The following EMILIN1 variants were observed in gnomAD, a reference collection of about 807,000 sequenced individuals.
The protein encoded by EMILIN1 is elastin microfibril interfacer 1, also known as EMILIN-1.
A neutral mutation model predicts 82.4 loss-of-function variants in EMILIN1; 49 were observed. The ratio of observed to expected loss-of-function variants is 0.59; its 90% CI spans 0.47 to 0.75. EMILIN1 has a LOEUF of 0.75. EMILIN1 is among the 30% of genes least tolerant of loss of function. The probability of loss-of-function intolerance (pLI) is 0.00; values close to 1 mark genes in which losing one functional copy is unlikely to be tolerated. For synonymous variants in EMILIN1, 604 were observed against 602.2 expected, an observed-to-expected ratio of 1.00 and a Z score of -0.04; for missense variants, 1,313 against 1,366.4, an observed-to-expected ratio of 0.96 and a Z score of 0.62.
intron 2 of EMILIN1, 31 bp from the exon 3 acceptor site, chr2:27,080,701 G>A (rs1312339186): frequency 5.1e-6 from 8 of 1,577,200 alleles, no homozygotes; most frequent in Non-Finnish European, 6.1e-6. Context: ...GTACAGGGAG[G>A]AATAAAGAGG....
intron 3 of EMILIN1, among the ~76,000 whole-genome samples, 177 bp downstream of exon 3, chr2:27,081,129 G>C (rs1434646109): frequency 6.6e-6 from 1 of 151,766 alleles, no homozygotes; most frequent in Non-Finnish European, 1.5e-5. Flanking sequence ...GTGTGTGTGT[G>C]TGTGTGTGTG....
intron 4 of EMILIN1, 83 bp downstream of exon 4, chr2:27,084,094 C>A (rs771929598): frequency 1.5e-6 from 2 of 1,346,432 alleles, no homozygotes; most frequent in Non-Finnish European, 2.0e-6. Context: ...TCCAACTCAT[C>A]TGCTTTCTCC....
intron 2 of EMILIN1, among the ~76,000 whole-genome samples, 188 bp from the exon 3 acceptor site, chr2:27,080,544 G>A (rs1317759765): frequency 6.6e-6 from 1 of 152,180 alleles, no homozygotes; most frequent in Non-Finnish European, 1.5e-5. Context: ...GGAAGGAAGA[G>A]CAGGGATTTA....
rs1669553605 is a variant in EMILIN1 at position 27,084,451 on chromosome 2, G to GT, written c.2477_2478insT (p.Leu827AlafsTer31). ...GAGGCTGGGCCCCCAGGGCCTCCTG[G>GT]GCTGCAGGGACCCCCAGGCCCTGCT... On this transcript the variant is annotated frameshift_variant, in exon 5 of 8. Coordinates refer to ENST00000380320, the MANE Select transcript of EMILIN1 (RefSeq NM_007046.4). LOFTEE classifies it high-confidence loss of function. 6.2e-7 allele frequency: 1 copy of GT among 1,612,620 alleles called. No homozygotes were observed. Among genetic ancestry groups the GT allele is most frequent in the Non-Finnish European group, 8.5e-7 (1 of 1,179,688 alleles).
chr2:27,080,388 T>C, intron 2 of EMILIN1, 118 bp downstream of exon 2: 1 of 1,367,334 alleles, frequency 7.3e-7, no homozygotes, highest in Non-Finnish European at 1.0e-6. Flanking sequence ...GGGGCTAGGG[T>C]CACAGCCATT....
In EMILIN1 at chr2:27,083,485, AGCCCTGCAG is replaced by A; in HGVS notation, c.1923_1931del (p.Ala642_Gln644del). The A allele has an allele frequency of 6.2e-7, 1 of 1,613,554 alleles. No homozygotes were observed. The highest frequency in any genetic ancestry group is 8.5e-7 in the Non-Finnish European group (1 of 1,179,816). ...GCGTGTTTGGGGGCAGCTCAGGCTCAGCCCTGCAGGCCCTGCAAGGAGAGCTCTCTGAGG... is the reference window on the plus strand; with the variant it reads ...GCGTGTTTGGGGGCAGCTCAGGCTCAGCCCTGCAAGGAGAGCTCTCTGAGG... On this transcript the variant is annotated inframe_deletion, in exon 4 of 8. Coordinates refer to ENST00000380320, the MANE Select transcript of EMILIN1 (RefSeq NM_007046.4).
intron 3 of EMILIN1, 63 bp from the exon 4 acceptor site, chr2:27,082,020 G>T: frequency 4.0e-6 from 6 of 1,483,248 alleles, no homozygotes; most frequent in African/African-American, 1.4e-5. Context: ...TGGAGCTGGG[G>T]TGAGCAGGGG....
rs1436624308 is a variant in EMILIN1, at chr2:27,083,707, G to A, written c.2136G>A (p.Glu712=). The A allele has an allele frequency of 1.2e-6, 2 of 1,614,028 alleles. No homozygotes were observed. The highest frequency in any genetic ancestry group is 2.2e-5 in the South Asian group (2 of 91,078). Residue 712 remains glutamate, a synonymous_variant, in exon 4 of 8, where the codon GAG becomes GAA. Transcript: ENST00000380320. ...ESEERFRGLE[E]GQAQAGQCPS... ...AAGAGCGCTTCCGAGGCCTAGAGGA[G>A]GGACAAGCACAGGCCGGCCAGTGCC...
Position 27,083,519 on chromosome 2 carries a change from G to A in EMILIN1, c.1948G>A (p.Val650Ile), listed in dbSNP as rs1181950039. The change falls in exon 4 of 8, where the codon GTT becomes ATT. Residue 650 changes from valine (V) to isoleucine (I), a missense_variant. Val to Ile is a conservative substitution (Grantham distance 29). Coordinates refer to ENST00000380320, the MANE Select transcript of EMILIN1 (RefSeq NM_007046.4). ...GGCCCTGCAAGGAGAGCTCTCTGAG[G>A]TTATTCTCAGCTTCAGCTCCCTCAA... ...LQALQGELSE[V>I]ILSFSSLNDS... 3 of 1,614,054 alleles carry A rather than the reference G, an allele frequency of 1.9e-6. No individual in the cohort carries two copies. Among genetic ancestry groups the A allele is most frequent in the Non-Finnish European group, 1.7e-6 (2 of 1,179,990 alleles).
At chr2:27,079,283 C>T (rs749272577) in intron 1 of EMILIN1, 48 bp downstream of exon 1, 4 of 1,468,350 alleles carry the variant, frequency 2.7e-6, no homozygotes, top group Non-Finnish European at 2.7e-6. Flanking sequence ...AGGAAGGGGT[C>T]AGAATGCCAC....
chr2:27,081,176 A>G (rs150919732), intron 3 of EMILIN1, among the ~76,000 whole-genome samples: 145 of 151,624 alleles, frequency 9.6e-4, no homozygotes, highest in African/African-American at 3.2e-3. Context: ...AGAGAGAGGG[A>G]GAGAGCACGC....
rs1669522923 is a variant in EMILIN1 at position 27,083,430 on chromosome 2, G to T, written c.1859G>T (p.Gly620Val). ...CCTGGGGCTGGTCCAGGTGTTGGGG[G>T]CCCAAGCCGTGGGCCCCTGGACGGC... ...RGPGAGPGVG[G>V]PSRGPLDGFS... Residue 620 changes from glycine (G) to valine (V), a missense_variant, in exon 4 of 8, where the codon GGC (glycine) becomes GTC (valine). Physicochemically the swap from Gly to Val is moderately radical, Grantham distance 109 (BLOSUM62 -3). Transcript: ENST00000380320. 1.2e-6 allele frequency: 2 copies of T among 1,612,270 alleles called. No individual in the cohort carries two copies. Among genetic ancestry groups the T allele is most frequent in the Non-Finnish European group, 1.7e-6 (2 of 1,179,946 alleles).
chr2:27,080,309 C>G, intron 2 of EMILIN1, 39 bp downstream of exon 2: 1 of 1,610,358 alleles, frequency 6.2e-7, no homozygotes, highest in South Asian at 1.1e-5. Context: ...TTGGTGGGAA[C>G]TGGGCGAGGG....
At chr2:27,085,417 C>A in intron 7 of EMILIN1, 120 bp downstream of exon 7, 1 of 1,265,260 alleles carries the variant, frequency 7.9e-7, no homozygotes, top group East Asian at 2.4e-5. Flanking sequence ...GGGGAGACCC[C>A]GGCTCTTTCT....
Position 27,079,210 on chromosome 2 carries a change from G to A in EMILIN1, c.145G>A (p.Ala49Thr), listed in dbSNP as rs1669433560. The change falls in exon 1 of 8, where the codon GCC (alanine) becomes ACC (threonine). Residue 49 changes from alanine (A) to threonine (T), a missense_variant. Ala to Thr is a moderately conservative substitution (Grantham distance 58). Coordinates refer to ENST00000380320, the MANE Select transcript of EMILIN1 (RefSeq NM_007046.4). Reference protein sequence around the residue: ...LSPGGPQAQIAPRPASRHRNW... With the variant: ...LSPGGPQAQITPRPASRHRNW... ...CCCCGGGGGGCCCCAGGCCCAGATTGCCCCCCGGCCAGCCAGCCGCCACAG... is the reference window on the plus strand; with the variant it reads ...CCCCGGGGGGCCCCAGGCCCAGATTACCCCCCGGCCAGCCAGCCGCCACAG... 6.3e-7 allele frequency: 1 copy of A among 1,575,022 alleles called. No homozygotes were observed. Among genetic ancestry groups the A allele is most frequent in the Admixed American group, 2.0e-5 (1 of 50,108 alleles).
chr2:27,085,943 G>GAC lies in EMILIN1; in HGVS notation c.2979_2980insAC (p.His994ThrfsTer152), dbSNP rs1267197460. ...TCGACCTGGTCATGGGGCAGCTGGC[G>GAC]CACTCGGAGGAGCCGCTCACCATCT... On this transcript the variant is annotated frameshift_variant, in exon 8 of 8. Transcript: ENST00000380320. LOFTEE classifies it high-confidence loss of function. The GAC allele has an allele frequency of 3.8e-5, 58 of 1,523,344 alleles. No homozygotes were observed. The highest frequency in any genetic ancestry group is 1.6e-4 in the South Asian group (13 of 82,274). The allele number at this position is 1,523,344 out of a possible 1,614,324, so 94.4% of individuals were successfully genotyped here. A position where few individuals can be genotyped will look rare whatever the true frequency, so the allele number is the denominator to read the frequency against.
Position 27,082,265 on chromosome 2 carries a change from G to C in EMILIN1, c.694G>C (p.Gly232Arg). The change falls in exon 4 of 8, where the codon GGG becomes CGG. Residue 232 changes from glycine (G) to arginine (R), a missense_variant. Physicochemically the swap from Gly to Arg is moderately radical, Grantham distance 125. Transcript: ENST00000380320. ...QQPADAAARP[G>R]VHETLNEIQH... ...GCCAGCTGACGCGGCTGCCCGCCCTGGGGTGCATGAAACCCTCAATGAGAT... is the reference window on the plus strand; with the variant it reads ...GCCAGCTGACGCGGCTGCCCGCCCTCGGGTGCATGAAACCCTCAATGAGAT... 1 of 1,613,210 alleles carries C rather than the reference G, an allele frequency of 6.2e-7. No homozygotes were observed. The highest frequency in any genetic ancestry group is 8.5e-7 in the Non-Finnish European group (1 of 1,179,940).
chr2:27,080,209 G>C lies in EMILIN1; in HGVS notation c.229G>C (p.Glu77Gln). 6.2e-7 allele frequency: 1 copy of C among 1,614,142 alleles called. No individual in the cohort carries two copies. Among genetic ancestry groups the C allele is most frequent in the Non-Finnish European group, 8.5e-7 (1 of 1,179,984 alleles). The change falls in exon 2 of 8, where the codon GAG (glutamate) becomes CAG (glutamine). Residue 77 changes from glutamate (E) to glutamine (Q), a missense_variant. Transcript: ENST00000380320. The part of the protein sequence containing the change: ...TVSCVLEDGV[E>Q]TYVKYQPCAW... ...GAGCTGTGTCCTTGAGGATGGAGTG[G>C]AGACATATGTCAAGTACCAGCCTTG...
At chr2:27,080,126 G>C in intron 1 of EMILIN1, 25 bp from the exon 2 acceptor site, 1 of 1,613,312 alleles carries the variant, frequency 6.2e-7, no homozygotes, top group Non-Finnish European at 8.5e-7. Flanking sequence ...TTGGTCCTTG[G>C]ACCCAGAGGG....
Sources: allele counts gnomAD v4.1 joint callset (sites outside exome capture counted in the v4.1 genomes callset), GRCh38; gene constraint gnomAD v4.1.1; transcripts MANE v1.5; gene names NCBI Gene and HGNC (gene_info 2026-07-23, HGNC 2026-07-21).